RYR3: variants seen among roughly 807,000 people sequenced by gnomAD.
RYR3 encodes brain ryanodine receptor-calcium release channel.
Under a neutral mutation model 584.3 loss-of-function variants are expected in RYR3, and 207 were observed. That is an observed-to-expected ratio of 0.35 (90% CI 0.32 to 0.40). The LOEUF (loss-of-function observed/expected upper bound fraction) is 0.40, where lower values mean the gene tolerates loss of function less well. Ranked by LOEUF, RYR3 falls within the 10% of genes least tolerant of loss-of-function variation. The pLI is 1.00. For synonymous variants in RYR3, 2,416 were observed against 2,248.5 expected (o/e 1.07, Z -2.11); for missense variants, 5,616 against 6,089.2 (o/e 0.92, Z 2.59).
chr15:33,836,819 CT>C, intron 87 of RYR3, 86 bp from the exon 88 acceptor site: 1 of 1,042,460 alleles, frequency 9.6e-7, no homozygotes, highest in Non-Finnish European at 1.4e-6. Flanking sequence ...TGCACCTAAC[CT>C]TTCCAGAGCA....
At position 33,466,235 on chromosome 15, in the gene RYR3, C is replaced by T. The variant is rs774366705; in HGVS notation, c.52-7184C>T. Among the ~76,000 whole-genome samples, 5 of 152,198 alleles carry T rather than the reference C, an allele frequency of 3.3e-5. No individual in the cohort carries two copies. The East Asian group carries it at 7.7e-4, about 24-fold the overall frequency. Reference sequence around the variant, plus strand: ...ACTCTGAGGACTGGTCCTGGAGCACCACTGTAGCAGTAGAGGGAAGAAAAT... The same window carrying T: ...ACTCTGAGGACTGGTCCTGGAGCACTACTGTAGCAGTAGAGGGAAGAAAAT... On this transcript the variant is annotated intron_variant, in intron 1 of 103. Transcript: ENST00000634891.
intron 60 of RYR3, among the ~76,000 whole-genome samples, chr15:33,767,191 T>A (rs547686192): frequency 6.6e-6 from 1 of 152,284 alleles, no homozygotes; most frequent in African/African-American, 2.4e-5. Flanking sequence ...AGTGAGAAAG[T>A]TACCACACAG....
intron 1 of RYR3, among the ~76,000 whole-genome samples, chr15:33,427,000 C>T (rs56956803): frequency 0.27 from 40,509 of 152,050 alleles, 5,692 homozygotes; most frequent in East Asian, 0.37. Context: ...CTCCCAAAAG[C>T]CCCTCCTCCA....
Position 33,662,295 on chromosome 15 carries a change from C to A in RYR3, c.4765C>A (p.Leu1589Ile). The A allele has an allele frequency of 1.2e-6, 2 of 1,611,356 alleles. No homozygotes were observed. Among genetic ancestry groups the A allele is most frequent in the Non-Finnish European group, 1.7e-6 (2 of 1,178,926 alleles). Residue 1589 changes from leucine (L) to isoleucine (I), a missense_variant, in exon 35 of 104, where the codon CTC (leucine) becomes ATC (isoleucine). Around this residue, in one of 9 missense-constraint regions of RYR3, gnomAD observed 753 missense variants for 741.0 expected, o/e 1.02. Transcript: ENST00000634891. ...ALCSHVDLSQLFYAIDNKYLP... is the reference protein window; with the variant it reads ...ALCSHVDLSQIFYAIDNKYLP... The stretch of plus-strand genomic sequence containing the variant: ...GTGCAGCCACGTGGACCTCTCCCAG[C>A]TCTTCTATGCCATTGACAACAAGTA...
At chr15:33,440,921 G>A (rs1488715942) in intron 1 of RYR3, among the ~76,000 whole-genome samples, 1 of 152,220 alleles carries the variant, frequency 6.6e-6, no homozygotes, top group African/African-American at 2.4e-5. Context: ...GAGTATTTGT[G>A]CTAAGAGCTG....
chr15:33,594,145 G>T (rs796592706), intron 16 of RYR3, among the ~76,000 whole-genome samples: 34 of 152,280 alleles, frequency 2.2e-4, no homozygotes, highest in African/African-American at 7.2e-4. Context: ...TACATGGACT[G>T]TGTACACAAA....
intron 57 of RYR3, among the ~76,000 whole-genome samples, chr15:33,753,197 C>A (rs2071490996): frequency 6.6e-6 from 1 of 152,172 alleles, no homozygotes; most frequent in Non-Finnish European, 1.5e-5. Context: ...TCTTAGTTTT[C>A]ATAGAGTCAG....
intron 31 of RYR3, among the ~76,000 whole-genome samples, chr15:33,649,818 T>G (rs181297738): frequency 2.0e-5 from 3 of 152,236 alleles, no homozygotes; most frequent in Non-Finnish European, 2.9e-5. Flanking sequence ...GAAGGGATTG[T>G]TGGCCAGATG....
At chr15:33,792,035 A>T (rs768169040) in intron 67 of RYR3, among the ~76,000 whole-genome samples, 2 of 152,180 alleles carry the variant, frequency 1.3e-5, no homozygotes, top group Non-Finnish European at 2.9e-5. Context: ...GAACCCTTAG[A>T]GAAGAAATCA....
intron 65 of RYR3, among the ~76,000 whole-genome samples, chr15:33,783,149 G>C (rs760340434): frequency 2.4e-4 from 37 of 152,290 alleles, no homozygotes; most frequent in Non-Finnish European, 5.3e-4. Context: ...AGAATCACCC[G>C]GGAGGCTTGT....
chr15:33,472,629 A>C (rs1218553140), intron 1 of RYR3, among the ~76,000 whole-genome samples: 1 of 152,198 alleles, frequency 6.6e-6, no homozygotes, highest in Non-Finnish European at 1.5e-5. Context: ...TTAGTAAGGA[A>C]ACTGTTTTCC....
At chr15:33,796,763 G>A (rs1232692766) in intron 67 of RYR3, among the ~76,000 whole-genome samples, 6 of 152,138 alleles carry the variant, frequency 3.9e-5, no homozygotes. Flanking sequence ...TCTACCCAAA[G>A]GAAATGGAAT....
chr15:33,435,577 T>C (rs993605867), intron 1 of RYR3, among the ~76,000 whole-genome samples: 1 of 152,252 alleles, frequency 6.6e-6, no homozygotes, highest in Non-Finnish European at 1.5e-5. Context: ...ATGGGCTATA[T>C]GCCTCTTCCT....
At position 33,648,937 on chromosome 15, in the gene RYR3, C is replaced by T. The variant is rs566652348; in HGVS notation, c.3979-135C>T. On this transcript the variant is annotated intron_variant, in intron 30 of 103. Transcript: ENST00000634891. ...TCCAGATCTAGCATCTAGCCTACCTCTACTAGTGTGCACTTTTCCAGAAAA... is the reference window on the plus strand; with the variant it reads ...TCCAGATCTAGCATCTAGCCTACCTTTACTAGTGTGCACTTTTCCAGAAAA... 8.3e-6 allele frequency: 6 copies of T among 723,616 alleles called. 1 individual carries two copies. Among genetic ancestry groups the T allele is most frequent in the African/African-American group, 7.0e-5 (4 of 57,464 alleles). 44.8% of individuals were successfully genotyped at this position (723,616 alleles called of 1,614,324 possible). A position where few individuals can be genotyped will look rare whatever the true frequency, so the allele number is the denominator to read the frequency against.
chr15:33,765,362 G>A (rs2072926050), intron 60 of RYR3, among the ~76,000 whole-genome samples: 1 of 152,090 alleles, frequency 6.6e-6, no homozygotes, highest in South Asian at 2.1e-4. Flanking sequence ...GCCAGGCGCG[G>A]TGGCTCACAC....
chr15:33,812,511 T>TA (rs1309635933), intron 72 of RYR3, among the ~76,000 whole-genome samples: 5 of 151,898 alleles, frequency 3.3e-5, no homozygotes, highest in African/African-American at 9.7e-5. Context: ...ATTATAAAAA[T>TA]AAAAAATAAT....
At position 33,385,183 on chromosome 15, in the gene RYR3, C is replaced by T. The variant is rs370736690; in HGVS notation, c.51+74087C>T. On this transcript the variant is annotated intron_variant, in intron 1 of 103. Transcript: ENST00000634891. ...TATACAACATTCACCATTTCACTCACGGAAATGAGATGCTGCGTGATTAGT... is the reference window on the plus strand; with the variant it reads ...TATACAACATTCACCATTTCACTCATGGAAATGAGATGCTGCGTGATTAGT... Among the ~76,000 whole-genome samples the T allele has an allele frequency of 9.2e-5, 14 of 152,274 alleles. No homozygotes were observed. In the East Asian group the frequency reaches 2.1e-3, roughly 23 times the overall value.
intron 1 of RYR3, among the ~76,000 whole-genome samples, chr15:33,317,914 G>A (rs1968420889): frequency 6.6e-6 from 1 of 152,154 alleles, no homozygotes; most frequent in Non-Finnish European, 1.5e-5. Flanking sequence ...TCCCTATACA[G>A]TGAACTCCTC....
intron 1 of RYR3, among the ~76,000 whole-genome samples, chr15:33,401,266 C>G (rs1003680391): frequency 6.6e-6 from 1 of 152,176 alleles, no homozygotes; most frequent in South Asian, 2.1e-4. Flanking sequence ...GCACTGTTTA[C>G]ACTCATAGAG....
Sources: allele counts gnomAD v4.1 joint callset (sites outside exome capture counted in the v4.1 genomes callset), GRCh38; gene constraint gnomAD v4.1.1; regional missense constraint gnomAD v4.1.1; transcripts MANE v1.5; gene names NCBI Gene and HGNC (gene_info 2026-07-23, HGNC 2026-07-21).